Variants in CTNNA3 observed in about 807,000 individuals in gnomAD.
CTNNA3 encodes the protein catenin alpha 3.
Under a neutral mutation model 95.7 loss-of-function variants are expected in CTNNA3, and 76 were observed. The ratio of observed to expected loss-of-function variants is 0.79; its 90% CI spans 0.66 to 0.96. CTNNA3 has a LOEUF of 0.96. CTNNA3 is among the 40% of genes least tolerant of loss of function. The pLI is 0.00. For missense variants in CTNNA3, 1,191 were observed against 1,089.8 expected (o/e 1.09, Z -1.31); for synonymous variants, 431 against 374.4 (o/e 1.15, Z -1.74).
chr10:66,962,901 G>T (rs960308888), intron 7 of CTNNA3, among the ~76,000 whole-genome samples: 2 of 152,118 alleles, frequency 1.3e-5, no homozygotes, highest in African/African-American at 2.4e-5. Flanking sequence ...TAAAGGCTGA[G>T]ATTTTTGCCT....
intron 1 of CTNNA3, chr10:67,750,207 C>T: frequency 7.2e-7 from 1 of 1,393,574 alleles, no homozygotes; most frequent in Non-Finnish European, 1.0e-6. Context: ...ACCAAGAACC[C>T]ACTGGAAGGA....
chr10:66,428,735 C>A (rs2093266997), intron 11 of CTNNA3, among the ~76,000 whole-genome samples: 1 of 152,104 alleles, frequency 6.6e-6, no homozygotes, highest in African/African-American at 2.4e-5. Context: ...ACTAGAATAT[C>A]TGGGACACAT....
intron 9 of CTNNA3, among the ~76,000 whole-genome samples, chr10:66,622,949 C>T (rs763777613): frequency 1.3e-3 from 201 of 152,134 alleles, no homozygotes; most frequent in Middle Eastern, 3.4e-3. Context: ...GAAATAACAG[C>T]CATACATTAT....
At position 67,539,609 on chromosome 10, in the gene CTNNA3, C is replaced by T. The variant is rs570159272; in HGVS notation, c.353G>A (p.Arg118Lys). The T allele has an allele frequency of 8.1e-6, 13 of 1,613,812 alleles. No homozygotes were observed. In the South Asian group the frequency reaches 1.2e-4, roughly 15 times the overall value. ...ACGGGCAGCTTGAACCACAGCCTCC[C>T]TTTTTGGGAGAAAACAGGGGTCATC... ...FTDDPCFLPKREAVVQAARAL... is the reference protein window; with the variant it reads ...FTDDPCFLPKKEAVVQAARAL... Residue 118 changes from arginine (R) to lysine (K), a missense_variant, in exon 4 of 18, where the codon AGG becomes AAG. Coordinates refer to ENST00000433211, the MANE Select transcript of CTNNA3 (RefSeq NM_013266.4).
At chr10:66,031,274 T>C (rs959593685) in intron 15 of CTNNA3, among the ~76,000 whole-genome samples, 6 of 152,130 alleles carry the variant, frequency 3.9e-5, no homozygotes, top group Non-Finnish European at 8.8e-5. Context: ...CGCAGCACTA[T>C]TCACAATAGC....
intron 5 of CTNNA3, among the ~76,000 whole-genome samples, chr10:67,266,569 T>G (rs1189142141): frequency 6.6e-6 from 1 of 152,170 alleles, no homozygotes; most frequent in Non-Finnish European, 1.5e-5. Flanking sequence ...ATTCCAGCAT[T>G]TTGAATCCTC....
chr10:67,203,747 A>T lies in CTNNA3; in HGVS notation c.843+15860T>A, dbSNP rs543221843. On this transcript the variant is annotated intron_variant, in intron 6 of 17. Coordinates refer to ENST00000433211, the MANE Select transcript of CTNNA3 (RefSeq NM_013266.4). ...ATTAATCTTCCACAATACCTGTTTG[A>T]TTGTCCCTTCCATGACAAAATATTC... 1.2e-4 allele frequency among the ~76,000 whole-genome samples: 19 copies of T among 152,306 alleles called. No individual in the cohort carries two copies. The South Asian group carries it at 3.9e-3, about 32-fold the overall frequency.
chr10:66,668,516 T>C (rs2132464573), intron 9 of CTNNA3, among the ~76,000 whole-genome samples: 1 of 151,990 alleles, frequency 6.6e-6, no homozygotes, highest in East Asian at 1.9e-4. Context: ...TATAATCTTA[T>C]ATATAAAATA....
intron 17 of CTNNA3, among the ~76,000 whole-genome samples, chr10:65,949,929 G>A (rs940664967): frequency 6.6e-6 from 1 of 152,050 alleles, no homozygotes; most frequent in Non-Finnish European, 1.5e-5. Context: ...GGTGGAGACT[G>A]GAAATGTTGT....
chr10:67,701,698 T>A lies in CTNNA3; in HGVS notation c.-1-54184A>T, dbSNP rs556862894. ...GCCAAACTGTAAAGACCATCGAGGC[T>A]AGGAAGAAACTGCATCAACTAATGA... is the stretch of plus-strand genomic sequence containing the variant. On this transcript the variant is annotated intron_variant, in intron 1 of 17. Transcript: ENST00000684154. 8.1e-4 allele frequency among the ~76,000 whole-genome samples: 123 copies of A among 152,298 alleles called. 1 individual carries two copies. Among genetic ancestry groups the A allele is most frequent in the African/African-American group, 2.8e-3 (117 of 41,554 alleles).
At chr10:67,584,737 C>T in intron 3 of CTNNA3, among the ~76,000 whole-genome samples, 1 of 152,212 alleles carries the variant, frequency 6.6e-6, no homozygotes, top group East Asian at 1.9e-4. Context: ...TTCCTAGCCA[C>T]TTTGTTTACC....
At chr10:67,282,583 G>A (rs904943202) in intron 5 of CTNNA3, among the ~76,000 whole-genome samples, 1 of 152,056 alleles carries the variant, frequency 6.6e-6, no homozygotes, top group Non-Finnish European at 1.5e-5. Context: ...TACATTATTT[G>A]ATACAAATTA....
chr10:66,055,514 C>G (rs2080063397), intron 15 of CTNNA3, among the ~76,000 whole-genome samples: 1 of 151,960 alleles, frequency 6.6e-6, no homozygotes, highest in Non-Finnish European at 1.5e-5. Context: ...TTTTTTCAGA[C>G]TGCTTGCTGT....
At chr10:66,001,399 G>T (rs575145522) in intron 15 of CTNNA3, among the ~76,000 whole-genome samples, 1 of 152,140 alleles carries the variant, frequency 6.6e-6, no homozygotes, top group Admixed American at 6.5e-5. Context: ...TTATCTGAGA[G>T]TCTTAGCTTT....
At chr10:67,669,175 T>G (rs1840386501) in intron 1 of CTNNA3, among the ~76,000 whole-genome samples, 1 of 152,166 alleles carries the variant, frequency 6.6e-6, no homozygotes, top group African/African-American at 2.4e-5. Context: ...TCTTAGCAGG[T>G]AATATTCACA....
chr10:66,355,905 TA>T (rs34936157), intron 12 of CTNNA3, among the ~76,000 whole-genome samples: 137,816 of 151,850 alleles, frequency 0.91, 62,777 homozygotes, highest in East Asian at 1. Context: ...GTTCAATGTC[TA>T]AATTGTTCCA....
At chr10:65,928,491 G>A (rs2077201474) in intron 17 of CTNNA3, among the ~76,000 whole-genome samples, 2 of 152,200 alleles carry the variant, frequency 1.3e-5, no homozygotes, top group South Asian at 4.1e-4. Context: ...TATGATCCAT[G>A]TAGGTGGAGA....
intron 5 of CTNNA3, among the ~76,000 whole-genome samples, chr10:67,407,440 T>A (rs1023955286): frequency 1.3e-5 from 2 of 152,116 alleles, no homozygotes; most frequent in Non-Finnish European, 2.9e-5. Context: ...GAGCCATATA[T>A]GAGAAACCCA....
At chr10:66,979,129 T>C (rs969278604) in intron 7 of CTNNA3, among the ~76,000 whole-genome samples, 5 of 152,006 alleles carry the variant, frequency 3.3e-5, no homozygotes, top group African/African-American at 1.2e-4. Flanking sequence ...CACACCTGGC[T>C]AATTTAATTT....
Sources: gnomAD v4.1 joint callset for allele counts (sites outside exome capture counted in the v4.1 genomes callset) on GRCh38, gnomAD v4.1.1 for gene constraint, MANE v1.5 for transcripts, NCBI Gene and HGNC (gene_info 2026-07-23, HGNC 2026-07-21) for gene names.